Variants in KLRG2 observed in about 807,000 individuals in gnomAD.
KLRG2 encodes the protein killer cell lectin like receptor G2.
A neutral mutation model predicts 35.4 loss-of-function variants in KLRG2; 39 were observed. The ratio of observed to expected loss-of-function variants is 1.10; its 90% CI spans 0.85 to 1.44. The LOEUF (loss-of-function observed/expected upper bound fraction) is 1.44, where lower values mean the gene tolerates loss of function less well. Ranked by LOEUF, KLRG2 falls within the 40% of genes most tolerant of loss-of-function variation. KLRG2 has a pLI of 0.00. For synonymous variants in KLRG2, 283 were observed against 265.8 expected (o/e 1.06, Z -0.63); for missense variants, 632 against 570.9 (o/e 1.11, Z -1.09).
At chr7:139,454,686 G>C (rs1796429357) in intron 3 of KLRG2, among the ~76,000 whole-genome samples, 3 of 151,758 alleles carry the variant, frequency 2.0e-5, no homozygotes, top group Non-Finnish European at 4.4e-5. Context: ...CATGGTGGCG[G>C]GCGCCTGTAA....
At chr7:139,479,986 G>T (rs1211960925) in intron 2 of KLRG2, among the ~76,000 whole-genome samples, 160 bp downstream of exon 2, 1 of 152,238 alleles carries the variant, frequency 6.6e-6, no homozygotes, top group Non-Finnish European at 1.5e-5. Context: ...CCAGTGGGAG[G>T]AAGGCACCCA....
chr7:139,470,060 ATTC>A (rs1317230474), intron 3 of KLRG2, among the ~76,000 whole-genome samples: 11 of 151,638 alleles, frequency 7.3e-5, no homozygotes, highest in African/African-American at 2.2e-4. Flanking sequence ...TGGGTAAGCA[ATTC>A]TTTTTTTTTT....
At chr7:139,465,730 A>G (rs1796642634) in intron 3 of KLRG2, among the ~76,000 whole-genome samples, 1 of 151,426 alleles carries the variant, frequency 6.6e-6, no homozygotes, top group South Asian at 2.1e-4. Flanking sequence ...GAAGGAAGCT[A>G]GAGTCATTCA....
At chr7:139,429,829 C>CT in the KLRG2 span, among the ~76,000 whole-genome samples, 1 of 152,172 alleles carries the variant, frequency 6.6e-6, no homozygotes, top group East Asian at 1.9e-4. Flanking sequence ...CTTCCCCCCC[C>CT]TTTCTATTCC....
intron 3 of KLRG2, among the ~76,000 whole-genome samples, chr7:139,463,380 CAAT>C (rs1420636850): frequency 6.6e-6 from 1 of 152,166 alleles, no homozygotes; most frequent in East Asian, 1.9e-4. Context: ...TCAAGGTGTA[CAAT>C]AATAGAGCAG....
At chr7:139,449,922 C>A (rs184150895), downstream of KLRG2, among the ~76,000 whole-genome samples, 1 of 151,450 alleles carries the variant, frequency 6.6e-6, no homozygotes, top group Non-Finnish European at 1.5e-5. Context: ...AGGATGGTCT[C>A]GATCTCCTGA....
the KLRG2 span, among the ~76,000 whole-genome samples, chr7:139,435,241 G>A: frequency 8.5e-5 from 13 of 152,198 alleles, no homozygotes; most frequent in Admixed American, 6.5e-5. Context: ...TGTAATCCCA[G>A]CACTTTGGGA....
chr7:139,442,930 A>C, the KLRG2 span, among the ~76,000 whole-genome samples: 10 of 152,106 alleles, frequency 6.6e-5, no homozygotes, highest in Non-Finnish European at 8.8e-5. Context: ...AAGAGAAAAA[A>C]CGATACATTG....
chr7:139,432,574 C>T, the KLRG2 span, among the ~76,000 whole-genome samples: 26 of 128,710 alleles, frequency 2.0e-4, no homozygotes, highest in East Asian at 5.4e-4. Flanking sequence ...TTTTTTGAGA[C>T]GGAATCTAAC....
downstream of KLRG2, among the ~76,000 whole-genome samples, chr7:139,451,060 A>G (rs1180907966): frequency 6.6e-6 from 1 of 152,226 alleles, no homozygotes; most frequent in African/African-American, 2.4e-5. Context: ...TTGCTGGCTG[A>G]GCAAGTCAGG....
intron 3 of KLRG2, among the ~76,000 whole-genome samples, chr7:139,455,611 G>A (rs550619582): frequency 1.2e-3 from 188 of 152,274 alleles, no homozygotes; most frequent in Non-Finnish European, 2.0e-3. Context: ...GTGAGCCACC[G>A]CGCCCGGCCA....
intron 3 of KLRG2, among the ~76,000 whole-genome samples, chr7:139,476,183 G>A (rs1428992551): frequency 1.3e-5 from 2 of 152,100 alleles, no homozygotes; most frequent in East Asian, 1.9e-4. Flanking sequence ...CAGGCGGATC[G>A]CCTGAGTCCA....
intron 3 of KLRG2, among the ~76,000 whole-genome samples, chr7:139,473,024 GTAATCCCAGTACTT>G (rs1233500194): frequency 6.6e-6 from 1 of 152,202 alleles, no homozygotes; most frequent in African/African-American, 2.4e-5. Flanking sequence ...GCTCGCGCCT[GTAATCCCAGTACTT>G]TGGGAGGCCG....
At chr7:139,451,924 G>A (rs4732381), downstream of KLRG2, among the ~76,000 whole-genome samples, 55,829 of 149,702 alleles carry the variant, frequency 0.37, 13,310 homozygotes, top group African/African-American at 0.69. Flanking sequence ...CCTGCCCCAC[G>A]TGAGCCACCC....
At chr7:139,464,985 T>C (rs1569412645) in intron 3 of KLRG2, among the ~76,000 whole-genome samples, 1 of 152,190 alleles carries the variant, frequency 6.6e-6, no homozygotes, top group African/African-American at 2.4e-5. Context: ...CAATCCGGCC[T>C]CCCACATTAT....
chr7:139,483,579 CG>C lies in KLRG2; in HGVS notation c.63del (p.Val22TrpfsTer105). 6.3e-7 allele frequency: 1 copy of C among 1,597,094 alleles called. No individual in the cohort carries two copies. On this transcript the variant is annotated frameshift_variant, in exon 1 of 5. Coordinates refer to ENST00000340940, the MANE Select transcript of KLRG2 (RefSeq NM_198508.4). LOFTEE classifies it high-confidence loss of function. The part of the protein sequence containing the change: ...GQAGAELPME[P>X]VGSLVPTLEQ... ...TCCAGCGTGGGGACCAGGCTTCCCA[CG>C]GGCTCCATTGGGAGCTCTGCCCCGG...
Position 139,453,730 on chromosome 7 carries a change from A to G in KLRG2, c.1110-23T>C, listed in dbSNP as rs1302545868. On this transcript the variant is annotated intron_variant, in intron 4 of 4. Coordinates refer to ENST00000340940, the MANE Select transcript of KLRG2 (RefSeq NM_198508.4). ...AGTCTGGGAAAGGATGGGAGGGGAA[A>G]GAGGAGAGGTGTTTAGGGTGCCGGG... 9.3e-6 allele frequency: 15 copies of G among 1,613,642 alleles called. No individual in the cohort carries two copies. The East Asian group carries it at 2.9e-4, about 31-fold the overall frequency.
intron 3 of KLRG2, among the ~76,000 whole-genome samples, chr7:139,477,432 C>T (rs763249600): frequency 7.2e-5 from 11 of 152,120 alleles, no homozygotes; most frequent in African/African-American, 2.2e-4. Flanking sequence ...GGCTACGACA[C>T]GGGTGAGCCT....
chr7:139,435,489 CA>C, the KLRG2 span, among the ~76,000 whole-genome samples: 1 of 150,998 alleles, frequency 6.6e-6, no homozygotes, highest in Non-Finnish European at 1.5e-5. Context: ...GACTCCGTCT[CA>C]AAAAAAAATC....
Sources: gnomAD v4.1 joint callset for allele counts (sites outside exome capture counted in the v4.1 genomes callset) on GRCh38, gnomAD v4.1.1 for gene constraint, MANE v1.5 for transcripts, NCBI Gene and HGNC (gene_info 2026-07-23, HGNC 2026-07-21) for gene names.